The following ADGRV1 variants were observed in gnomAD, a reference collection of about 807,000 sequenced individuals.
ADGRV1 encodes adhesion G protein-coupled receptor V1.
Under a neutral mutation model 596.2 loss-of-function variants are expected in ADGRV1, and 359 were observed. The observed-to-expected ratio is 0.60, with a 90% CI of 0.55 to 0.66. The LOEUF (loss-of-function observed/expected upper bound fraction) is 0.66, where lower values mean the gene tolerates loss of function less well. ADGRV1 is among the 30% of genes least tolerant of loss of function. The pLI is 0.00. For missense variants in ADGRV1, 7,274 were observed against 7,575.6 expected, an observed-to-expected ratio of 0.96 and a Z score of 1.48; for synonymous variants, 2,681 against 2,679.2, an observed-to-expected ratio of 1.00 and a Z score of -0.02.
intron 88 of ADGRV1, among the ~76,000 whole-genome samples, chr5:91,151,734 A>G (rs1796078510): frequency 6.6e-6 from 1 of 152,216 alleles, no homozygotes; most frequent in Admixed American, 6.5e-5. Context: ...GAGTCAGTTT[A>G]TCATTCACCC....
At position 90,863,741 on chromosome 5, in the gene ADGRV1, T is replaced by A. The variant is rs772883443; in HGVS notation, c.17756-16T>A. The A allele has an allele frequency of 1.0e-5, 16 of 1,579,074 alleles. No homozygotes were observed. Among genetic ancestry groups the A allele is most frequent in the African/African-American group, 5.4e-5 (4 of 74,224 alleles). Reference sequence around the variant, plus strand: ...ATGGATTATTAAACCATATGTGGACTTTTTTGTTCCTACAGGTCTTTGCTT... The same window carrying A: ...ATGGATTATTAAACCATATGTGGACATTTTTGTTCCTACAGGTCTTTGCTT... On this transcript the variant is annotated splice_polypyrimidine_tract_variant and intron_variant, in intron 82 of 89. Coordinates refer to ENST00000405460, the MANE Select transcript of ADGRV1 (RefSeq NM_032119.4).
At chr5:91,040,931 C>T (rs1268041893) in intron 85 of ADGRV1, among the ~76,000 whole-genome samples, 2 of 152,110 alleles carry the variant, frequency 1.3e-5, no homozygotes, top group African/African-American at 4.8e-5. Context: ...AACTTAAGGA[C>T]CATCTTCTAC....
intron 59 of ADGRV1, 123 bp downstream of exon 59, chr5:90,763,592 C>A: frequency 1.1e-6 from 1 of 894,444 alleles, no homozygotes. Flanking sequence ...TTGCATAATG[C>A]TGGGGTTTGG....
chr5:91,116,267 A>C (rs1483233323), intron 87 of ADGRV1, among the ~76,000 whole-genome samples: 3 of 152,238 alleles, frequency 2.0e-5, no homozygotes, highest in African/African-American at 7.2e-5. Context: ...AAATGGCATG[A>C]AATAGCAAAT....
chr5:90,657,432 C>T (rs1377522960), intron 20 of ADGRV1, among the ~76,000 whole-genome samples: 1 of 151,846 alleles, frequency 6.6e-6, no homozygotes, highest in Non-Finnish European at 1.5e-5. Flanking sequence ...AGAGCAAGAT[C>T]TTGTCTCTAA....
chr5:90,934,241 C>G (rs951942912), intron 83 of ADGRV1, among the ~76,000 whole-genome samples: 5 of 152,180 alleles, frequency 3.3e-5, no homozygotes, highest in African/African-American at 1.2e-4. Context: ...CAGTATTCTT[C>G]CAGGCCTTTG....
rs377461316 is a variant in ADGRV1, at chr5:90,816,063, T to C, written c.16196+327T>C. Among the ~76,000 whole-genome samples, 10 of 152,324 alleles carry C rather than the reference T, an allele frequency of 6.6e-5. No homozygotes were observed. In the East Asian group the frequency reaches 1.2e-3, roughly 18 times the overall value. On this transcript the variant is annotated intron_variant, in intron 75 of 89. Transcript: ENST00000405460. ...ATGAAAACTTGGAGTACCAAAACTT[T>C]GTTTGCAACTTAAAACTGTATAGTA...
At chr5:91,080,631 G>C (rs1425189511) in intron 86 of ADGRV1, among the ~76,000 whole-genome samples, 1 of 149,590 alleles carries the variant, frequency 6.7e-6, no homozygotes, top group Non-Finnish European at 1.5e-5. Flanking sequence ...ATCAGGGTTG[G>C]AAAATTACTC....
chr5:91,013,187 T>C (rs2151156146), intron 85 of ADGRV1, among the ~76,000 whole-genome samples: 1 of 152,244 alleles, frequency 6.6e-6, no homozygotes, highest in Admixed American at 6.6e-5. Context: ...GCAATGAACA[T>C]TCACATGCAT....
rs372851836 is a variant in ADGRV1, at chr5:90,896,933, G to C, written c.17856+33076G>C. On this transcript the variant is annotated intron_variant, in intron 83 of 89. Coordinates refer to ENST00000405460, the MANE Select transcript of ADGRV1 (RefSeq NM_032119.4). The stretch of plus-strand genomic sequence containing the variant: ...TTCCCCTTATGGCAGGTTCTTGTTG[G>C]GGGGCTGACCCACAGAGTGTAGACC... 3.9e-5 allele frequency among the ~76,000 whole-genome samples: 6 copies of C among 152,152 alleles called. No individual in the cohort carries two copies. The South Asian group carries it at 1.0e-3, about 26-fold the overall frequency.
intron 29 of ADGRV1, among the ~76,000 whole-genome samples, 169 bp downstream of exon 29, chr5:90,686,164 G>T (rs533315787): frequency 2.4e-4 from 35 of 145,312 alleles, no homozygotes; most frequent in African/African-American, 6.7e-4. Context: ...TTTTTTTTTG[G>T]GGGGGGGGAT....
chr5:90,754,206 T>A (rs1468129626), intron 54 of ADGRV1, among the ~76,000 whole-genome samples: 2 of 152,184 alleles, frequency 1.3e-5, no homozygotes, highest in Non-Finnish European at 2.9e-5. Flanking sequence ...CACAATGAAA[T>A]GTGTACATGG....
chr5:90,938,696 C>T (rs936620016), intron 83 of ADGRV1, among the ~76,000 whole-genome samples: 2 of 152,144 alleles, frequency 1.3e-5, no homozygotes, highest in African/African-American at 4.8e-5. Flanking sequence ...AAATCTCTAC[C>T]CTCTTGGAAC....
At chr5:90,701,954 A>C (rs955548209) in intron 34 of ADGRV1, among the ~76,000 whole-genome samples, 1 of 151,022 alleles carries the variant, frequency 6.6e-6, no homozygotes, top group African/African-American at 2.4e-5. Flanking sequence ...ACTTCATTAA[A>C]CTTCCATAAT....
At chr5:91,135,377 C>G (rs1794548997) in intron 87 of ADGRV1, among the ~76,000 whole-genome samples, 1 of 152,154 alleles carries the variant, frequency 6.6e-6, no homozygotes. Context: ...ACATGCCTTT[C>G]ATCCCTTCCA....
At chr5:90,802,222 T>G (rs981738398) in intron 70 of ADGRV1, among the ~76,000 whole-genome samples, 16 of 152,088 alleles carry the variant, frequency 1.1e-4, no homozygotes, top group African/African-American at 2.9e-4. Flanking sequence ...TGTTCTTTTT[T>G]GGGGGAGAAG....
intron 1 of ADGRV1, among the ~76,000 whole-genome samples, chr5:90,591,548 A>G (rs1328138443): frequency 3.3e-5 from 5 of 152,208 alleles, no homozygotes; most frequent in African/African-American, 1.2e-4. Context: ...ACCAGTATAC[A>G]TTATAAACAG....
chr5:90,927,544 C>T (rs369485769), intron 83 of ADGRV1, among the ~76,000 whole-genome samples: 5 of 152,240 alleles, frequency 3.3e-5, no homozygotes, highest in Admixed American at 6.5e-5. Flanking sequence ...ACGTGAGATG[C>T]GTTTCCTGAA....
intron 86 of ADGRV1, among the ~76,000 whole-genome samples, chr5:91,093,282 T>A (rs188519952): frequency 9.4e-4 from 143 of 152,320 alleles, no homozygotes; most frequent in African/African-American, 3.3e-3. Flanking sequence ...CCACAGAGCA[T>A]TTATTTTCCT....
Sources: gnomAD v4.1 joint callset for allele counts (sites outside exome capture counted in the v4.1 genomes callset) on GRCh38, gnomAD v4.1.1 for gene constraint, MANE v1.5 for transcripts, NCBI Gene and HGNC (gene_info 2026-07-23, HGNC 2026-07-21) for gene names.